The following NTM variants were observed in gnomAD, a reference collection of about 807,000 sequenced individuals.
The protein encoded by NTM is neurotrimin.
NTM carries 13 observed loss-of-function variants against 42.1 expected under a neutral mutation model. The ratio of observed to expected loss-of-function variants is 0.31; its 90% CI spans 0.20 to 0.49. The LOEUF is 0.49. NTM is among the 20% of genes least tolerant of loss of function. NTM has a pLI of 0.99. For missense variants in NTM, 373 were observed against 452.8 expected (o/e 0.82, Z 1.60); for synonymous variants, 187 against 179.2 (o/e 1.04, Z -0.35).
rs1320359862 is a variant in NTM, at chr11:131,557,370, A to C, written c.82+186482A>C. Among the ~76,000 whole-genome samples, 4 of 152,268 alleles carry C rather than the reference A, an allele frequency of 2.6e-5. No individual in the cohort carries two copies. In the East Asian group the frequency reaches 7.7e-4, roughly 29 times the overall value. ...GCCCCGACCCTGTGAAAGACACTTG[A>C]CATTTTGTACTTCAAGCTCCTCCTG... On this transcript the variant is annotated intron_variant, in intron 1 of 8. Coordinates refer to ENST00000683400, the MANE Select transcript of NTM (RefSeq NM_001352005.2).
At chr11:131,796,793 T>C (rs926936872) in intron 1 of NTM, among the ~76,000 whole-genome samples, 6 of 152,160 alleles carry the variant, frequency 3.9e-5, no homozygotes, top group Non-Finnish European at 5.9e-5. Flanking sequence ...CAGTTCTCTG[T>C]CATGCACCAA....
chr11:132,285,123 ACCCACGTCTT>A (rs1318336760), intron 4 of NTM: 1 of 152,414 alleles, frequency 6.6e-6, no homozygotes, highest in Non-Finnish European at 1.5e-5. Flanking sequence ...CTTCCCTGCT[ACCCACGTCTT>A]CCCACCTGGA....
chr11:131,456,472 C>A (rs981020957), intron 1 of NTM, among the ~76,000 whole-genome samples: 2 of 152,126 alleles, frequency 1.3e-5, no homozygotes, highest in Non-Finnish European at 2.9e-5. Context: ...TCTCATCAAG[C>A]CAGCTAAAGT....
At chr11:131,817,542 G>T (rs2093000431) in intron 1 of NTM, among the ~76,000 whole-genome samples, 1 of 152,194 alleles carries the variant, frequency 6.6e-6, no homozygotes, top group African/African-American at 2.4e-5. Context: ...ATTCACTGCT[G>T]CTATCATCCC....
intron 3 of NTM, among the ~76,000 whole-genome samples, chr11:132,173,048 T>G (rs1470481902): frequency 6.6e-6 from 1 of 152,214 alleles, no homozygotes; most frequent in Non-Finnish European, 1.5e-5. Context: ...TGGCCACAAT[T>G]CATTAATTAA....
chr11:132,162,352 G>A (rs189640382), intron 3 of NTM, among the ~76,000 whole-genome samples: 23 of 151,422 alleles, frequency 1.5e-4, no homozygotes, highest in African/African-American at 5.3e-4. Flanking sequence ...TGTTTGTGGG[G>A]CATGTGGGGG....
chr11:131,908,659 C>T (rs188725048), intron 1 of NTM, among the ~76,000 whole-genome samples: 18 of 152,312 alleles, frequency 1.2e-4, no homozygotes, highest in Middle Eastern at 3.4e-3. Context: ...TTAGAGGTGA[C>T]CCCTTGACTT....
intron 1 of NTM, among the ~76,000 whole-genome samples, chr11:131,616,208 G>A (rs80106104): frequency 0.029 from 4,375 of 152,272 alleles, 192 homozygotes; most frequent in African/African-American, 0.098. Flanking sequence ...CATCCTCTGC[G>A]CAGCACTGGG....
chr11:132,252,352 A>G (rs1323527225), intron 4 of NTM, among the ~76,000 whole-genome samples: 1 of 151,840 alleles, frequency 6.6e-6, no homozygotes, highest in African/African-American at 2.4e-5. Flanking sequence ...GATATAGCCC[A>G]CTGGCTAAAC....
intron 1 of NTM, among the ~76,000 whole-genome samples, chr11:131,793,633 C>T (rs2091219678): frequency 6.6e-6 from 1 of 152,202 alleles, no homozygotes; most frequent in South Asian, 2.1e-4. Context: ...TGTAATAGTT[C>T]AGGTTTACAA....
At chr11:131,740,505 G>A (rs1019298153) in intron 1 of NTM, among the ~76,000 whole-genome samples, 1 of 152,150 alleles carries the variant, frequency 6.6e-6, no homozygotes, top group African/African-American at 2.4e-5. Flanking sequence ...CTAATTAAAC[G>A]ATGTGTGTCA....
At chr11:132,226,296 C>T (rs964875854) in intron 4 of NTM, among the ~76,000 whole-genome samples, 7 of 152,182 alleles carry the variant, frequency 4.6e-5, no homozygotes, top group Admixed American at 2.0e-4. Flanking sequence ...CACTGTCTTG[C>T]ACAATGGTTG....
intron 1 of NTM, among the ~76,000 whole-genome samples, chr11:131,749,886 G>A (rs1225072360): frequency 2.0e-5 from 3 of 152,166 alleles, no homozygotes; most frequent in Non-Finnish European, 4.4e-5. Flanking sequence ...AGGCATCATC[G>A]TTTTATGTAG....
intron 1 of NTM, among the ~76,000 whole-genome samples, chr11:131,637,671 C>T (rs543494371): frequency 1.3e-4 from 20 of 152,016 alleles, no homozygotes; most frequent in Non-Finnish European, 2.4e-4. Context: ...TCCCGTTCCT[C>T]ACCACCAACC....
At chr11:132,305,586 G>A (rs1423439938) in intron 4 of NTM, among the ~76,000 whole-genome samples, 2 of 152,178 alleles carry the variant, frequency 1.3e-5, no homozygotes, top group African/African-American at 4.8e-5. Context: ...ACTGGTCTCC[G>A]AGATGCTTGG....
chr11:131,905,548 T>C (rs1041321865), intron 1 of NTM, among the ~76,000 whole-genome samples: 10 of 152,202 alleles, frequency 6.6e-5, no homozygotes, highest in African/African-American at 2.4e-4. Context: ...CAGCTCACTT[T>C]TAAGTCCAGT....
intron 2 of NTM, among the ~76,000 whole-genome samples, chr11:132,062,743 T>C (rs1293909466): frequency 6.6e-6 from 1 of 152,220 alleles, no homozygotes; most frequent in Non-Finnish European, 1.5e-5. Flanking sequence ...TGTGTTCGGC[T>C]CATATGACAT....
At chr11:132,137,898 CAG>C (rs1302018273) in intron 2 of NTM, among the ~76,000 whole-genome samples, 4 of 152,190 alleles carry the variant, frequency 2.6e-5, no homozygotes, top group Admixed American at 2.0e-4. Context: ...TGCGGACACA[CAG>C]AGAGCAACGT....
intron 1 of NTM, among the ~76,000 whole-genome samples, chr11:131,420,000 A>G (rs1339010860): frequency 2.0e-5 from 3 of 152,112 alleles, no homozygotes; most frequent in Non-Finnish European, 4.4e-5. Flanking sequence ...GAGTCAGGTG[A>G]TCAGCACCAG....
Sources: gnomAD v4.1 joint callset for allele counts (sites outside exome capture counted in the v4.1 genomes callset) on GRCh38, gnomAD v4.1.1 for gene constraint, MANE v1.5 for transcripts, NCBI Gene and HGNC (gene_info 2026-07-23, HGNC 2026-07-21) for gene names.